Variants in MAD1L1 observed in about 807,000 individuals in gnomAD.
MAD1L1 encodes the protein mitotic arrest deficient 1 like 1, also known as mitotic spindle assembly checkpoint protein MAD1.
MAD1L1 carries 95 observed loss-of-function variants against 96.9 expected under a neutral mutation model. The ratio of observed to expected loss-of-function variants is 0.98; its 90% CI spans 0.83 to 1.16. The LOEUF is 1.16. Ranked by LOEUF, MAD1L1 falls within the 50% of genes most tolerant of loss-of-function variation. MAD1L1 has a pLI of 0.00. For synonymous variants in MAD1L1, 473 were observed against 396.6 expected, an observed-to-expected ratio of 1.19 and a Z score of -2.29; for missense variants, 1,007 against 954.4, an observed-to-expected ratio of 1.06 and a Z score of -0.73.
intron 12 of MAD1L1, among the ~76,000 whole-genome samples, chr7:2,038,498 CTTTTTTTTTTTTTT>C (rs60466584): frequency 2.2e-5 from 2 of 92,826 alleles, no homozygotes; most frequent in African/African-American, 3.6e-5. Flanking sequence ...AAGCTGATGA[CTTTTTTTTTTTTTT>C]TTTTTTTTTT....
intron 12 of MAD1L1, among the ~76,000 whole-genome samples, chr7:2,019,733 G>A (rs1782701616): frequency 6.7e-6 from 1 of 149,494 alleles, no homozygotes. Context: ...CCCAACGCAA[G>A]GCCACGCCTC....
chr7:2,031,442 T>C (rs1229502362), intron 12 of MAD1L1, among the ~76,000 whole-genome samples: 1 of 152,222 alleles, frequency 6.6e-6, no homozygotes, highest in Non-Finnish European at 1.5e-5. Context: ...ACACCTATTG[T>C]AGGAAGGAGT....
chr7:1,929,593 T>A (rs1379483854), intron 17 of MAD1L1, among the ~76,000 whole-genome samples: 1 of 152,022 alleles, frequency 6.6e-6, no homozygotes. Context: ...CAGGGGCCTC[T>A]TTATGTGTTT....
chr7:2,222,097 A>AGG (rs1793639224), intron 5 of MAD1L1, among the ~76,000 whole-genome samples: 1 of 150,212 alleles, frequency 6.7e-6, no homozygotes, highest in Admixed American at 6.6e-5. Context: ...TTTTTGAGAC[A>AGG]GAGTCTTGCT....
At chr7:1,897,446 C>T (rs1273801974) in intron 18 of MAD1L1, among the ~76,000 whole-genome samples, 5 of 152,188 alleles carry the variant, frequency 3.3e-5, no homozygotes, top group Non-Finnish European at 5.9e-5. Flanking sequence ...GCCGGGGCCA[C>T]AATGCCACAC....
At chr7:2,043,237 CCT>C (rs946048442) in intron 12 of MAD1L1, among the ~76,000 whole-genome samples, 5 of 152,206 alleles carry the variant, frequency 3.3e-5, no homozygotes, top group African/African-American at 1.2e-4. Context: ...CATCCACGCC[CCT>C]GTCCCATCGG....
intron 18 of MAD1L1, among the ~76,000 whole-genome samples, chr7:1,866,156 C>T (rs1455747388): frequency 6.6e-6 from 1 of 152,206 alleles, no homozygotes; most frequent in East Asian, 1.9e-4. Flanking sequence ...GGGGCCAGAA[C>T]GCCCGGGTGC....
At chr7:2,113,480 C>T (rs1223639091) in intron 11 of MAD1L1, among the ~76,000 whole-genome samples, 7 of 151,904 alleles carry the variant, frequency 4.6e-5, no homozygotes, top group African/African-American at 9.7e-5. Context: ...CTTGGGAGGC[C>T]GAGGCAGGAG....
chr7:1,872,051 A>G (rs1318988176), intron 18 of MAD1L1, among the ~76,000 whole-genome samples: 3 of 152,098 alleles, frequency 2.0e-5, no homozygotes, highest in Non-Finnish European at 4.4e-5. Flanking sequence ...GCTCCTGCTG[A>G]CAGATACAGG....
In MAD1L1 at chr7:2,204,958, T is replaced by C. The variant is rs545648992; in HGVS notation, c.986+8254A>G. Among the ~76,000 whole-genome samples, 3 of 152,336 alleles carry C rather than the reference T, an allele frequency of 2.0e-5. No homozygotes were observed. The South Asian group carries it at 6.2e-4, about 32-fold the overall frequency. On this transcript the variant is annotated intron_variant, in intron 10 of 18. Transcript: ENST00000265854. ...TCAGGATGGTCAGTCTGCTTAATTT[T>C]AGCCATTTTATTGGGTGCCCAGTGG...
intron 16 of MAD1L1, among the ~76,000 whole-genome samples, chr7:1,942,557 A>T (rs1272683420): frequency 6.6e-6 from 1 of 152,152 alleles, no homozygotes; most frequent in Non-Finnish European, 1.5e-5. Context: ...TGTCCTATAC[A>T]AACAGCACCA....
intron 17 of MAD1L1, 96 bp from the exon 18 acceptor site, chr7:1,898,486 T>C: frequency 9.4e-7 from 1 of 1,062,610 alleles, no homozygotes; most frequent in Admixed American, 2.2e-5. Context: ...CGAGTACAGG[T>C]GGGAGTGGCG....
At chr7:1,878,042 T>C (rs969874889) in intron 18 of MAD1L1, among the ~76,000 whole-genome samples, 4 of 152,000 alleles carry the variant, frequency 2.6e-5, no homozygotes, top group Admixed American at 6.6e-5. Context: ...TAATAATGAA[T>C]TATTATGAAT....
At chr7:1,900,310 G>T (rs1787167461) in intron 17 of MAD1L1, among the ~76,000 whole-genome samples, 1 of 152,266 alleles carries the variant, frequency 6.6e-6, no homozygotes. Context: ...GCATCCAGAT[G>T]TCAGGGGCTG....
chr7:2,035,009 G>A (rs1212174808), intron 12 of MAD1L1, among the ~76,000 whole-genome samples: 1 of 152,228 alleles, frequency 6.6e-6, no homozygotes, highest in Non-Finnish European at 1.5e-5. Flanking sequence ...GGGGCCACAA[G>A]TCCACACTGG....
rs1466253193 is a variant in MAD1L1, at chr7:1,884,547, T to G, written c.1998+13653A>C. 3.9e-5 allele frequency among the ~76,000 whole-genome samples: 6 copies of G among 152,200 alleles called. No homozygotes were observed. The East Asian group carries it at 9.6e-4, about 24-fold the overall frequency. ...ACCTTCCCTCAGCCCAAACTCCCATTGCATCTTCCTGCCTCTCAGCCCAAT... is the reference window on the plus strand; with the variant it reads ...ACCTTCCCTCAGCCCAAACTCCCATGGCATCTTCCTGCCTCTCAGCCCAAT... On this transcript the variant is annotated intron_variant, in intron 18 of 18. Coordinates refer to ENST00000265854, the MANE Select transcript of MAD1L1 (RefSeq NM_001013836.2).
chr7:2,047,494 T>C (rs781293552), intron 12 of MAD1L1, among the ~76,000 whole-genome samples: 24 of 152,336 alleles, frequency 1.6e-4, no homozygotes, highest in Non-Finnish European at 3.2e-4. Flanking sequence ...TACCTCCCAG[T>C]CTGAGCACAC....
At chr7:2,140,109 C>T (rs1478791795) in intron 11 of MAD1L1, among the ~76,000 whole-genome samples, 1 of 152,048 alleles carries the variant, frequency 6.6e-6, no homozygotes, top group Non-Finnish European at 1.5e-5. Context: ...GTGACCTGTG[C>T]TTGGCTCAAG....
intron 11 of MAD1L1, among the ~76,000 whole-genome samples, chr7:2,111,919 C>T (rs545771502): frequency 6.6e-6 from 1 of 152,322 alleles, no homozygotes; most frequent in East Asian, 1.9e-4. Flanking sequence ...AGTATGTGCT[C>T]AAGGAAAAGT....
Sources: allele counts gnomAD v4.1 joint callset (sites outside exome capture counted in the v4.1 genomes callset), GRCh38; gene constraint gnomAD v4.1.1; transcripts MANE v1.5; gene names NCBI Gene and HGNC (gene_info 2026-07-23, HGNC 2026-07-21).